The following NDUFA13 variants were observed in gnomAD, a reference collection of about 807,000 sequenced individuals.
NDUFA13 encodes the protein NADH:ubiquinone oxidoreductase subunit A13, also known as NADH dehydrogenase [ubiquinone] 1 alpha subcomplex subunit 13.
Under a neutral mutation model 17.0 loss-of-function variants are expected in NDUFA13, and 16 were observed. The ratio of observed to expected loss-of-function variants is 0.94; its 90% CI spans 0.64 to 1.43. The LOEUF is 1.43. Among genes scored for constraint, NDUFA13 ranks in the 40% most tolerant of loss-of-function variants. The pLI, the probability that NDUFA13 is intolerant of heterozygous loss-of-function variation, is 0.00. For missense variants in NDUFA13, 228 were observed against 206.7 expected (o/e 1.10, Z -0.63); for synonymous variants, 87 against 78.4 (o/e 1.11, Z -0.58).
At position 19,517,818 on chromosome 19, in the gene NDUFA13, C is replaced by T. The variant is rs150744038; in HGVS notation, c.94+1486C>T. The stretch of plus-strand genomic sequence containing the variant: ...CTGGAATTACAGGCATGAGCCACCG[C>T]GGCCAACCTCCTCTTGTTTTTCTTG... On this transcript the variant is annotated intron_variant, in intron 1 of 4. Coordinates refer to ENST00000507754, the MANE Select transcript of NDUFA13 (RefSeq NM_015965.7). Among the ~76,000 whole-genome samples, 605 of 152,134 alleles carry T rather than the reference C, an allele frequency of 4.0e-3. 4 individuals carry two copies. The highest frequency in any genetic ancestry group is 0.014 in the African/African-American group (577 of 41,520).
At chr19:19,525,859 C>T (rs916051964) in intron 1 of NDUFA13, among the ~76,000 whole-genome samples, 9 of 152,264 alleles carry the variant, frequency 5.9e-5, no homozygotes, top group Admixed American at 2.6e-4. Flanking sequence ...CCCAGGTGGC[C>T]GGGAGCCACC....
At chr19:19,524,126 CAA>C (rs995446351) in intron 1 of NDUFA13, among the ~76,000 whole-genome samples, 3 of 152,096 alleles carry the variant, frequency 2.0e-5, no homozygotes, top group Non-Finnish European at 4.4e-5. Flanking sequence ...AAACCAAAAA[CAA>C]AAAGAATGGT....
chr19:19,522,477 C>CTTTT (rs3067694), intron 1 of NDUFA13, among the ~76,000 whole-genome samples: 2 of 95,016 alleles, frequency 2.1e-5, no homozygotes, highest in African/African-American at 9.6e-5. Flanking sequence ...GTCTTTGATC[C>CTTTT]TTTTTTTTTT....
At position 19,516,274 on chromosome 19, in the gene NDUFA13, G is replaced by C. The variant is rs11552886; in HGVS notation, c.36G>C (p.Pro12=). 1.1e-5 allele frequency: 17 copies of C among 1,613,804 alleles called. No homozygotes were observed. In the Middle Eastern group the frequency reaches 6.6e-4, roughly 62 times the overall value. The part of the protein sequence containing the change: ...AASKVKQDMP[P]PGGYGPIDYK... Reference sequence around the variant, plus strand: ...CAAAGGTGAAGCAGGACATGCCTCCGCCGGGGGGCTATGGGCCCATCGACT... The same window carrying C: ...CAAAGGTGAAGCAGGACATGCCTCCCCCGGGGGGCTATGGGCCCATCGACT... Residue 12 remains proline (P), a synonymous_variant, in exon 1 of 5, where the codon CCG becomes CCC. Coordinates refer to ENST00000507754, the MANE Select transcript of NDUFA13 (RefSeq NM_015965.7).
At chr19:19,526,337 C>T in intron 2 of NDUFA13, 77 bp downstream of exon 2, 1 of 1,524,156 alleles carries the variant, frequency 6.6e-7, no homozygotes, top group South Asian at 1.2e-5. Context: ...CCGCTGTTGT[C>T]TGTGCTGGCG....
At chr19:19,526,792 C>T (rs1455421868) in intron 2 of NDUFA13, 7 of 277,228 alleles carry the variant, frequency 2.5e-5, no homozygotes, top group South Asian at 7.1e-5. Flanking sequence ...CCAACCCCAA[C>T]GCAGGCCAGG....
chr19:19,518,729 A>ATTTTTTTTTTTTTTT (rs566386690), intron 1 of NDUFA13, among the ~76,000 whole-genome samples: 3 of 34,128 alleles, frequency 8.8e-5, no homozygotes, highest in Non-Finnish European at 1.2e-4. Context: ...ATGCCCTGCG[A>ATTTTTTTTTTTTTTT]TTTTTTTTTT....
intron 2 of NDUFA13, 163 bp downstream of exon 2, chr19:19,526,423 C>A: frequency 1.3e-6 from 1 of 742,148 alleles, no homozygotes; most frequent in Non-Finnish European, 2.3e-6. Context: ...CCAGCACTTC[C>A]ACTTCTAGGC....
rs963937290 is a variant in NDUFA13, at chr19:19,525,957, G to GC, written c.95-219dup. On this transcript the variant is annotated intron_variant, in intron 1 of 4. Coordinates refer to ENST00000507754, the MANE Select transcript of NDUFA13 (RefSeq NM_015965.7). ...CCTTCTAGAACACGATGGACCTGGG[G>GC]CCCCCCTAGCAACCACCATCTAGAC... is the stretch of plus-strand genomic sequence containing the variant. 9.5e-6 allele frequency: 13 copies of GC among 1,365,766 alleles called. No individual in the cohort carries two copies. In the African/African-American group the frequency reaches 1.3e-4, roughly 14 times the overall value. The allele number at this position is 1,365,766 out of a possible 1,614,324, so 84.6% of individuals were successfully genotyped here.
chr19:19,526,078 A>G lies in NDUFA13; in HGVS notation c.95-104A>G, dbSNP rs755884326. ...CACAGTCCAAGCAGCCTCACTCCTG[A>G]GAAGCCGCCAGTGTCCCCTGATTGC... On this transcript the variant is annotated intron_variant, in intron 1 of 4. Transcript: ENST00000507754. 1.9e-6 allele frequency: 3 copies of G among 1,548,678 alleles called. No individual in the cohort carries two copies. The South Asian group carries it at 3.5e-5, about 18-fold the overall frequency.
chr19:19,527,726 C>T lies in NDUFA13; in HGVS notation c.271C>T (p.Leu91=). 1 of 1,552,638 alleles carries T rather than the reference C, an allele frequency of 6.4e-7. No homozygotes were observed. The highest frequency in any genetic ancestry group is 8.7e-7 in the Non-Finnish European group (1 of 1,147,398). The change falls in exon 4 of 5, where the codon CTG becomes TTG. Residue 91 remains leucine (L), a synonymous_variant. Transcript: ENST00000507754. ...RRTLQMLREN[L]EEEAIIMKDV... ...GACCTTGCAGATGCTTCGGGAGAACCTGGAGGAGGAGGCCATCATCATGAA... is the reference window on the plus strand; with the variant it reads ...GACCTTGCAGATGCTTCGGGAGAACTTGGAGGAGGAGGCCATCATCATGAA...
At chr19:19,516,422 C>T (rs1337424284) in intron 1 of NDUFA13, 90 bp downstream of exon 1, 2 of 1,418,488 alleles carry the variant, frequency 1.4e-6, no homozygotes, top group African/African-American at 2.8e-5. Context: ...CTCAGTTTTC[C>T]CGGCGGTGTG....
rs2144633960 is a variant in NDUFA13 at position 19,516,256 on chromosome 19, G to A, written c.18G>A (p.Val6=). The A allele has an allele frequency of 6.2e-7, 1 of 1,614,068 alleles. No individual in the cohort carries two copies. Among genetic ancestry groups the A allele is most frequent in the Non-Finnish European group, 8.5e-7 (1 of 1,180,038 alleles). Residue 6 remains valine (V), a synonymous_variant, in exon 1 of 5, where the codon GTG becomes GTA. Coordinates refer to ENST00000507754, the MANE Select transcript of NDUFA13 (RefSeq NM_015965.7). The part of the protein sequence containing the change: MAASK[V]KQDMPPPGGY... ...CTGCGAGTATGGCGGCGTCAAAGGTGAAGCAGGACATGCCTCCGCCGGGGG... is the reference window on the plus strand; with the variant it reads ...CTGCGAGTATGGCGGCGTCAAAGGTAAAGCAGGACATGCCTCCGCCGGGGG...
intron 1 of NDUFA13, among the ~76,000 whole-genome samples, chr19:19,525,284 G>A (rs970468692): frequency 2.0e-5 from 3 of 152,244 alleles, no homozygotes; most frequent in Non-Finnish European, 2.9e-5. Context: ...ATTTATCTCC[G>A]GGTCTAGCAG....
intron 4 of NDUFA13, 81 bp downstream of exon 4, chr19:19,527,851 T>G (rs1256764279): frequency 4.7e-6 from 7 of 1,499,262 alleles, no homozygotes; most frequent in Admixed American, 2.0e-5. Flanking sequence ...CAGCTTTCTA[T>G]AGAAACCCCA....
At chr19:19,519,664 G>A (rs2061067130) in intron 1 of NDUFA13, among the ~76,000 whole-genome samples, 1 of 152,196 alleles carries the variant, frequency 6.6e-6, no homozygotes, top group Admixed American at 6.5e-5. Context: ...CTAGTTGTTG[G>A]TGAGGCCTGG....
chr19:19,516,354 G>A, intron 1 of NDUFA13, 22 bp downstream of exon 1: 4 of 1,612,112 alleles, frequency 2.5e-6, no homozygotes, highest in Non-Finnish European at 3.4e-6. Context: ...TCTGCGCCGG[G>A]GTCTCAGAGT....
chr19:19,516,316 G>A lies in NDUFA13; in HGVS notation c.78G>A (p.Pro26=), dbSNP rs755038242. ...CCATCGACTACAAACGGAACTTGCC[G>A]CGTCGAGGACTGTCGGGTCAGTATC... The part of the protein sequence containing the change: ...YGPIDYKRNL[P]RRGLSGYSML... The change falls in exon 1 of 5, where the codon CCG becomes CCA. Residue 26 remains proline, a synonymous_variant. Coordinates refer to ENST00000507754, the MANE Select transcript of NDUFA13 (RefSeq NM_015965.7). 6.2e-7 allele frequency: 1 copy of A among 1,613,538 alleles called. No homozygotes were observed. Among genetic ancestry groups the A allele is most frequent in the African/African-American group, 1.3e-5 (1 of 74,912 alleles).
intron 1 of NDUFA13, among the ~76,000 whole-genome samples, chr19:19,521,909 G>GT (rs1011112275): frequency 1.3e-5 from 2 of 152,024 alleles, no homozygotes; most frequent in Non-Finnish European, 2.9e-5. Flanking sequence ...GCTTAGTAGG[G>GT]TTTTTTAAAT....
Sources: allele counts gnomAD v4.1 joint callset (sites outside exome capture counted in the v4.1 genomes callset), GRCh38; gene constraint gnomAD v4.1.1; transcripts MANE v1.5; gene names NCBI Gene and HGNC (gene_info 2026-07-23, HGNC 2026-07-21).